KANK1: variants seen among roughly 807,000 people sequenced by gnomAD.
The protein encoded by KANK1 is KN motif and ankyrin repeat domain-containing protein 1.
In KANK1, 109 loss-of-function variants were observed where a neutral mutation model predicts 106.2. That is an observed-to-expected ratio of 1.03 (90% CI 0.88 to 1.20). KANK1 has a LOEUF of 1.20. KANK1 is among the 50% of genes most tolerant of loss of function. The pLI, the probability that KANK1 is intolerant of heterozygous loss-of-function variation, is 0.00. For missense variants in KANK1, 2,399 were observed against 1,710.7 expected (o/e 1.40, Z -7.10); for synonymous variants, 873 against 652.2 (o/e 1.34, Z -5.16).
intron 3 of KANK1, among the ~76,000 whole-genome samples, chr9:720,095 G>T (rs1436178812): frequency 6.6e-6 from 1 of 152,208 alleles, no homozygotes; most frequent in South Asian, 2.1e-4. Context: ...AGGACACTGA[G>T]ATTTCTGTCA....
At chr9:474,119 C>A (rs527506939) in intron 3 of KANK1, among the ~76,000 whole-genome samples, 3 of 152,336 alleles carry the variant, frequency 2.0e-5, no homozygotes, top group African/African-American at 7.2e-5. Context: ...CTTTACCAAG[C>A]CTTCCTGAGT....
intron 1 of KANK1, chr9:674,251 T>A (rs1207622166): frequency 6.6e-6 from 1 of 152,054 alleles, no homozygotes; most frequent in Non-Finnish European, 1.5e-5. Flanking sequence ...ATCCTTCTGG[T>A]GTGTCACCAG....
At chr9:672,237 T>G (rs182716473) in intron 1 of KANK1, among the ~76,000 whole-genome samples, 1 of 152,324 alleles carries the variant, frequency 6.6e-6, no homozygotes. Flanking sequence ...TTGTTTCTTA[T>G]GTATACAATG....
chr9:656,076 T>C (rs1452987625), intron 1 of KANK1, among the ~76,000 whole-genome samples: 7 of 152,216 alleles, frequency 4.6e-5, no homozygotes, highest in Non-Finnish European at 8.8e-5. Flanking sequence ...TTTGGCACTT[T>C]CTTGCTGTCA....
chr9:642,884 G>A (rs992305900), intron 1 of KANK1, among the ~76,000 whole-genome samples: 2 of 150,078 alleles, frequency 1.3e-5, no homozygotes, highest in African/African-American at 2.5e-5. Flanking sequence ...TCCTTGTAAA[G>A]CCAGTGTCGA....
chr9:699,443 T>C (rs562573922), intron 2 of KANK1, among the ~76,000 whole-genome samples: 100 of 152,256 alleles, frequency 6.6e-4, no homozygotes, highest in African/African-American at 2.3e-3. Context: ...AAGATGGAGC[T>C]GGTATGGAGA....
At chr9:554,268 CATCT>C in intron 1 of KANK1, among the ~76,000 whole-genome samples, 2 of 152,282 alleles carry the variant, frequency 1.3e-5, no homozygotes, top group South Asian at 4.1e-4. Flanking sequence ...TTTCCATCTC[CATCT>C]GAGTCTGAAG....
chr9:595,410 G>T (rs189066295), intron 1 of KANK1, among the ~76,000 whole-genome samples: 1 of 152,036 alleles, frequency 6.6e-6, no homozygotes, highest in African/African-American at 2.4e-5. Flanking sequence ...GAGCACTTCA[G>T]CTCCAAACTT....
At chr9:646,500 A>G (rs759900232) in intron 1 of KANK1, among the ~76,000 whole-genome samples, 3 of 150,696 alleles carry the variant, frequency 2.0e-5, no homozygotes, top group Non-Finnish European at 4.4e-5. Context: ...CACTTGAATA[A>G]TTTTCTTTTG....
At chr9:611,432 T>A (rs887677413) in intron 1 of KANK1, among the ~76,000 whole-genome samples, 2 of 152,198 alleles carry the variant, frequency 1.3e-5, no homozygotes, top group Admixed American at 6.5e-5. Flanking sequence ...GAACTTGGAA[T>A]AAAAACCTTA....
At chr9:602,502 C>G (rs1369618503) in intron 1 of KANK1, among the ~76,000 whole-genome samples, 1 of 151,780 alleles carries the variant, frequency 6.6e-6, no homozygotes, top group Non-Finnish European at 1.5e-5. Flanking sequence ...TCATGATCCG[C>G]CTGCCTCAGC....
chr9:472,231 T>C (rs1230561962), intron 2 of KANK1, among the ~76,000 whole-genome samples: 1 of 152,148 alleles, frequency 6.6e-6, no homozygotes, highest in Non-Finnish European at 1.5e-5. Context: ...TTCCCTGACC[T>C]CCCCTCAAGC....
At chr9:574,006 G>A (rs887320501) in intron 1 of KANK1, among the ~76,000 whole-genome samples, 2 of 152,234 alleles carry the variant, frequency 1.3e-5, no homozygotes, top group South Asian at 2.1e-4. Flanking sequence ...GTGCCCATCC[G>A]CCGCAGCTCT....
At chr9:589,516 A>G (rs1824308522) in intron 1 of KANK1, among the ~76,000 whole-genome samples, 1 of 151,948 alleles carries the variant, frequency 6.6e-6, no homozygotes, top group South Asian at 2.1e-4. Context: ...CCCAGCGGGG[A>G]GAGAGGTGGG....
chr9:644,553 GGA>G lies in KANK1; in HGVS notation c.-83-32331_-83-32330del, dbSNP rs1274098290. On this transcript the variant is annotated intron_variant, in intron 1 of 11. Coordinates refer to ENST00000382297, the MANE Select transcript of KANK1 (RefSeq NM_015158.5). ...GTGGCCAGAGCAGGAGGAAGAGAGA[GGA>G]GAGAGGTGCTACACGCTTTTAAATA... Among the ~76,000 whole-genome samples, 4 of 150,680 alleles carry G rather than the reference GGA, an allele frequency of 2.7e-5. 1 individual carries two copies. The highest frequency in any genetic ancestry group is 7.5e-5 in the African/African-American group (3 of 40,032).
chr9:484,321 C>T (rs2058255646), intron 3 of KANK1: 1 of 152,252 alleles, frequency 6.6e-6, no homozygotes, highest in South Asian at 2.1e-4. Flanking sequence ...TGAACCATTG[C>T]TCACATGTAA....
chr9:587,519 G>C (rs373912953), intron 1 of KANK1, among the ~76,000 whole-genome samples: 1 of 152,084 alleles, frequency 6.6e-6, no homozygotes, highest in Non-Finnish European at 1.5e-5. Flanking sequence ...CTAGAAAATA[G>C]AGAGTTTAAA....
At chr9:576,819 A>G (rs1036008275) in intron 1 of KANK1, among the ~76,000 whole-genome samples, 13 of 152,136 alleles carry the variant, frequency 8.5e-5, no homozygotes, top group African/African-American at 3.1e-4. Flanking sequence ...TGCATGATAA[A>G]TAACTGTTAA....
At chr9:645,441 A>T (rs1692568594) in intron 1 of KANK1, among the ~76,000 whole-genome samples, 1 of 86,846 alleles carries the variant, frequency 1.2e-5, no homozygotes, top group Non-Finnish European at 2.6e-5. Flanking sequence ...CTGTGTCTTA[A>T]AAAAAAAAAA....
Sources: allele counts gnomAD v4.1 joint callset (sites outside exome capture counted in the v4.1 genomes callset), GRCh38; gene constraint gnomAD v4.1.1; transcripts MANE v1.5; gene names NCBI Gene and HGNC (gene_info 2026-07-23, HGNC 2026-07-21).